LRCH1: variants seen among roughly 807,000 people sequenced by gnomAD.
LRCH1 encodes the protein leucine rich repeats and calponin homology domain containing 1.
In LRCH1, 23 loss-of-function variants were observed where a neutral mutation model predicts 94.9. The observed-to-expected ratio is 0.24, with a 90% CI of 0.17 to 0.34. The LOEUF (loss-of-function observed/expected upper bound fraction) is 0.34. LRCH1 is among the 10% of genes least tolerant of loss of function. LRCH1 has a pLI of 1.00. For synonymous variants in LRCH1, 364 were observed against 354.9 expected (o/e 1.03, Z -0.29); for missense variants, 790 against 945.9 (o/e 0.84, Z 2.16).
chr13:46,723,477 A>G (rs1872680439), intron 17 of LRCH1, 147 bp downstream of exon 17: 1 of 647,668 alleles, frequency 1.5e-6, no homozygotes, highest in South Asian at 2.0e-5. Context: ...AAGCCACTTA[A>G]CAACCCTGAG....
At chr13:46,712,090 G>T (rs1037865821) in intron 14 of LRCH1, among the ~76,000 whole-genome samples, 2 of 152,158 alleles carry the variant, frequency 1.3e-5, no homozygotes, top group Non-Finnish European at 2.9e-5. Flanking sequence ...ACAGAATGAA[G>T]ATCACTTAAA....
At chr13:46,602,375 G>A (rs2050637269) in intron 1 of LRCH1, among the ~76,000 whole-genome samples, 1 of 152,150 alleles carries the variant, frequency 6.6e-6, no homozygotes, top group African/African-American at 2.4e-5. Context: ...TGCTTAATTG[G>A]GGACAGGTAA....
At chr13:46,703,891 T>C (rs772863275) in intron 11 of LRCH1, among the ~76,000 whole-genome samples, 4 of 146,072 alleles carry the variant, frequency 2.7e-5, no homozygotes, top group Non-Finnish European at 5.9e-5. Flanking sequence ...GGAAATATAT[T>C]AAAATGGAAG....
At chr13:46,631,247 C>A (rs568825663) in intron 1 of LRCH1, among the ~76,000 whole-genome samples, 2 of 152,238 alleles carry the variant, frequency 1.3e-5, no homozygotes, top group South Asian at 4.1e-4. Context: ...ACTTGCCATG[C>A]CGTCTCATTG....
At chr13:46,599,363 CAG>C (rs1317505552) in intron 1 of LRCH1, among the ~76,000 whole-genome samples, 1 of 152,076 alleles carries the variant, frequency 6.6e-6, no homozygotes, top group Non-Finnish European at 1.5e-5. Flanking sequence ...GTTGTATACT[CAG>C]AAGTAGAATT....
chr13:46,643,772 A>G (rs1464889579), intron 1 of LRCH1, among the ~76,000 whole-genome samples: 2 of 152,210 alleles, frequency 1.3e-5, no homozygotes, highest in Non-Finnish European at 2.9e-5. Context: ...AGCAAGTCAT[A>G]TATTTGGAAA....
intron 2 of LRCH1, among the ~76,000 whole-genome samples, chr13:46,659,450 C>G (rs193130048): frequency 6.6e-6 from 1 of 152,248 alleles, no homozygotes; most frequent in Admixed American, 6.5e-5. Flanking sequence ...CTCTCAGTCT[C>G]CCAAAGTGCT....
chr13:46,591,308 T>G (rs1419152076), intron 1 of LRCH1, among the ~76,000 whole-genome samples: 1 of 152,238 alleles, frequency 6.6e-6, no homozygotes, highest in African/African-American at 2.4e-5. Context: ...GTTACTCATT[T>G]TCCTAATGAA....
At chr13:46,593,647 C>T (rs930052380) in intron 1 of LRCH1, among the ~76,000 whole-genome samples, 4 of 152,188 alleles carry the variant, frequency 2.6e-5, no homozygotes, top group African/African-American at 7.2e-5. Flanking sequence ...TGTGAGTTTG[C>T]GGCATGCCCC....
intron 1 of LRCH1, among the ~76,000 whole-genome samples, chr13:46,607,647 CTT>C (rs77449538): frequency 5.6e-5 from 8 of 141,942 alleles, no homozygotes; most frequent in Non-Finnish European, 4.6e-5. Context: ...CCTTCTTCTT[CTT>C]TTTTTTTTTT....
rs1361713631 is a variant in LRCH1 at position 46,744,141 on chromosome 13, C to T, written c.*2293C>T. The T allele has an allele frequency of 1.0e-6, 1 of 985,260 alleles. No individual in the cohort carries two copies. The highest frequency in any genetic ancestry group is 1.7e-5 in the African/African-American group (1 of 57,226). The allele number at this position is 985,260 out of a possible 1,614,324, so 61.0% of individuals were successfully genotyped here. On this transcript the variant is annotated 3_prime_UTR_variant, in exon 20 of 20. Coordinates refer to ENST00000389797, the MANE Select transcript of LRCH1 (RefSeq NM_001164211.2). ...GTGGTTTTTCTCCAAGGTACCCGTGCACCAGCCCATATGCTAACTGGATGC... is the reference window on the plus strand; with the variant it reads ...GTGGTTTTTCTCCAAGGTACCCGTGTACCAGCCCATATGCTAACTGGATGC...
chr13:46,653,714 C>T (rs2051335890), intron 2 of LRCH1, among the ~76,000 whole-genome samples: 1 of 151,758 alleles, frequency 6.6e-6, no homozygotes, highest in Admixed American at 6.6e-5. Context: ...ACCTGTAGGC[C>T]CAGCTACTTG....
At position 46,614,448 on chromosome 13, in the gene LRCH1, A is replaced by T. The variant is rs116193975; in HGVS notation, c.308-35753A>T. 6.5e-3 allele frequency among the ~76,000 whole-genome samples: 995 copies of T among 152,350 alleles called. 18 individuals carry two copies. Among genetic ancestry groups the T allele is most frequent in the African/African-American group, 0.023 (962 of 41,560 alleles). The stretch of plus-strand genomic sequence containing the variant: ...TGAAGTCACAAATACCTGCCAAACA[A>T]ATCCACATAAGGAGAAAATAAAGAA... On this transcript the variant is annotated intron_variant, in intron 1 of 19. Transcript: ENST00000389797.
At chr13:46,575,458 C>CT (rs1366184431) in intron 1 of LRCH1, among the ~76,000 whole-genome samples, 2 of 151,654 alleles carry the variant, frequency 1.3e-5, no homozygotes, top group African/African-American at 4.9e-5. Flanking sequence ...AAATGATTCT[C>CT]TAAGTTGAAG....
intron 16 of LRCH1, among the ~76,000 whole-genome samples, chr13:46,721,835 AT>A (rs2138216720): frequency 6.6e-6 from 1 of 152,352 alleles, no homozygotes; most frequent in South Asian, 2.1e-4. Flanking sequence ...GATTTAAGAT[AT>A]GTCAATTTTC....
Position 46,715,667 on chromosome 13 carries a change from AGGT to A in LRCH1, c.1759+6_1759+8del. 6.6e-7 allele frequency: 1 copy of A among 1,523,240 alleles called. No individual in the cohort carries two copies. Among genetic ancestry groups the A allele is most frequent in the Non-Finnish European group, 8.8e-7 (1 of 1,134,172 alleles). 94.4% of individuals were successfully genotyped at this position (1,523,240 alleles called of 1,614,324 possible). ...ATCTGAAGGAGACAGTGACAATGGT[AGGT>A]GGCTTTGTACCTATTCTCCAATGTT... On this transcript the variant is annotated splice_donor_5th_base_variant and intron_variant, in intron 16 of 19. Transcript: ENST00000389797.
chr13:46,664,521 T>A (rs2051490100), intron 2 of LRCH1, among the ~76,000 whole-genome samples: 1 of 152,224 alleles, frequency 6.6e-6, no homozygotes, highest in East Asian at 1.9e-4. Flanking sequence ...CTATATCATA[T>A]AGCCTAGCCA....
chr13:46,557,165 A>G (rs1235218098), intron 1 of LRCH1, among the ~76,000 whole-genome samples: 1 of 110,202 alleles, frequency 9.1e-6, no homozygotes, highest in Non-Finnish European at 2.1e-5. Flanking sequence ...TGAGTAAAGC[A>G]AATTTTTTTT....
rs74396675 is a variant in LRCH1, at chr13:46,625,432, C to G, written c.308-24769C>G. ...AGGTGATTAGGTCGTGAGGGTGGAG[C>G]CCACATGAATGGGATGTCTTTATAA... is the stretch of plus-strand genomic sequence containing the variant. On this transcript the variant is annotated intron_variant, in intron 1 of 19. Transcript: ENST00000389797. Among the ~76,000 whole-genome samples, 1,032 of 152,202 alleles carry G rather than the reference C, an allele frequency of 6.8e-3. 9 individuals are homozygous for G. The highest frequency in any genetic ancestry group is 0.024 in the African/African-American group (999 of 41,534).
Sources: gnomAD v4.1 joint callset for allele counts (sites outside exome capture counted in the v4.1 genomes callset) on GRCh38, gnomAD v4.1.1 for gene constraint, MANE v1.5 for transcripts, NCBI Gene and HGNC (gene_info 2026-07-23, HGNC 2026-07-21) for gene names.